Variants in ARHGEF28 observed in about 807,000 individuals in gnomAD.
ARHGEF28 encodes the protein 190 kDa guanine nucleotide exchange factor.
In ARHGEF28, 152 loss-of-function variants were observed where a neutral mutation model predicts 206.6. The ratio of observed to expected loss-of-function variants is 0.74; its 90% CI spans 0.64 to 0.84. The LOEUF (loss-of-function observed/expected upper bound fraction) is 0.84. Among genes scored for constraint, ARHGEF28 ranks in the 40% least tolerant of loss-of-function variants. The pLI, the probability that ARHGEF28 is intolerant of heterozygous loss-of-function variation, is 0.00. For synonymous variants in ARHGEF28, 763 were observed against 776.4 expected (o/e 0.98, Z 0.29); for missense variants, 2,028 against 2,073.2 (o/e 0.98, Z 0.42).
intron 9 of ARHGEF28, among the ~76,000 whole-genome samples, chr5:73,804,082 C>CAAAAAAA (rs35722039): frequency 7.5e-4 from 48 of 64,252 alleles, no homozygotes; most frequent in Middle Eastern, 0.01. Context: ...GAGACCCTGT[C>CAAAAAAA]AAAAAAAAAA....
At chr5:73,901,894 A>G (rs1441880563) in intron 31 of ARHGEF28, 1 of 152,206 alleles carries the variant, frequency 6.6e-6, no homozygotes, top group East Asian at 1.9e-4. Flanking sequence ...TTAAATACAT[A>G]AAACTTCCTA....
chr5:73,847,498 A>G (rs1187843806), intron 12 of ARHGEF28, among the ~76,000 whole-genome samples: 2 of 152,158 alleles, frequency 1.3e-5, no homozygotes, highest in African/African-American at 2.4e-5. Context: ...AGCTGCCGTA[A>G]TCTTTTGCAT....
At chr5:73,827,385 C>T (rs868382825) in intron 9 of ARHGEF28, among the ~76,000 whole-genome samples, 7 of 152,176 alleles carry the variant, frequency 4.6e-5, no homozygotes, top group African/African-American at 4.8e-5. Flanking sequence ...TATGCAACCT[C>T]ATTTACTTTT....
intron 1 of ARHGEF28, chr5:73,627,269 A>G (rs201432524): frequency 1.3e-5 from 2 of 152,208 alleles, no homozygotes; most frequent in East Asian, 1.9e-4. Context: ...GACCACACCA[A>G]TTGGGCAAAA....
chr5:73,710,249 A>G (rs1749161056), intron 2 of ARHGEF28, among the ~76,000 whole-genome samples: 1 of 152,336 alleles, frequency 6.6e-6, no homozygotes, highest in East Asian at 1.9e-4. Flanking sequence ...TAGCCCTTCT[A>G]AAAGGTATGT....
chr5:73,680,462 A>AAT, intron 1 of ARHGEF28, among the ~76,000 whole-genome samples: 1 of 147,246 alleles, frequency 6.8e-6, no homozygotes, highest in Non-Finnish European at 1.5e-5. Context: ...AAAAAAAAAA[A>AAT]GGGATTCACT....
intron 9 of ARHGEF28, among the ~76,000 whole-genome samples, chr5:73,817,757 C>G (rs1252523519): frequency 1.3e-5 from 2 of 152,128 alleles, no homozygotes; most frequent in African/African-American, 4.8e-5. Flanking sequence ...GGCCAAGAAC[C>G]AGGACACTCG....
chr5:73,711,559 C>T (rs1749246943), intron 2 of ARHGEF28, among the ~76,000 whole-genome samples: 2 of 152,046 alleles, frequency 1.3e-5, no homozygotes, highest in African/African-American at 2.4e-5. Context: ...TAGATTTATA[C>T]ATAAACATTT....
chr5:73,774,001 C>T lies in ARHGEF28; in HGVS notation c.622C>T (p.Arg208Cys), dbSNP rs112237001. Reference protein sequence around the residue: ...EGATPLDLALREGHSKLVEDV... With the variant: ...EGATPLDLALCEGHSKLVEDV... The stretch of plus-strand genomic sequence containing the variant: ...TGCCACACCATTAGACTTAGCTTTA[C>T]GTGAAGGACACTCCAAGCTGGTGGA... Residue 208 changes from arginine (R) to cysteine (C), a missense_variant, in exon 5 of 36, where the codon CGT becomes TGT. Physicochemically the swap from Arg to Cys is radical, Grantham distance 180 (BLOSUM62 -3). Coordinates refer to ENST00000513042, the MANE Select transcript of ARHGEF28 (RefSeq NM_001177693.2). The T allele has an allele frequency of 2.1e-5, 33 of 1,604,282 alleles. No individual in the cohort carries two copies. Among genetic ancestry groups the T allele is most frequent in the African/African-American group, 9.3e-5 (7 of 74,922 alleles).
rs35744778 is a variant in ARHGEF28, at chr5:73,827,020, A to G, written c.1025-5318A>G. Among the ~76,000 whole-genome samples, 1,210 of 152,288 alleles carry G rather than the reference A, an allele frequency of 7.9e-3. 19 individuals carry two copies. Among genetic ancestry groups the G allele is most frequent in the East Asian group, 0.029 (149 of 5,160 alleles). ...ATGTTAGGACATCTTAGTTTCTGAA[A>G]TCTTGCCTTTGTTCTTGAGAAATGC... On this transcript the variant is annotated intron_variant, in intron 9 of 35. Transcript: ENST00000513042.
In ARHGEF28 at chr5:73,941,696, T is replaced by C. The variant is rs1003587402; in HGVS notation, c.*683T>C. The C allele has an allele frequency of 2.0e-5, 3 of 152,240 alleles. No homozygotes were observed. The highest frequency in any genetic ancestry group is 7.2e-5 in the African/African-American group (3 of 41,438). 9.4% of individuals were successfully genotyped at this position (152,240 alleles called of 1,614,324 possible). A position where few individuals can be genotyped will look rare whatever the true frequency, so the allele number is the denominator to read the frequency against. Reference sequence around the variant, plus strand: ...GAGCCCCCATCAAGTCATTTTGATGTAAATAGTGAACTTTGTTAGAGCCCT... The same window carrying C: ...GAGCCCCCATCAAGTCATTTTGATGCAAATAGTGAACTTTGTTAGAGCCCT... On this transcript the variant is annotated 3_prime_UTR_variant, in exon 36 of 36. Coordinates refer to ENST00000513042, the MANE Select transcript of ARHGEF28 (RefSeq NM_001177693.2).
At chr5:73,914,848 AAC>A (rs1030293257) in intron 35 of ARHGEF28, among the ~76,000 whole-genome samples, 1 of 152,200 alleles carries the variant, frequency 6.6e-6, no homozygotes, top group Non-Finnish European at 1.5e-5. Context: ...GACTCACTGC[AAC>A]CTCCCACTTC....
At chr5:73,916,222 T>C (rs1429796034) in intron 35 of ARHGEF28, among the ~76,000 whole-genome samples, 1 of 152,236 alleles carries the variant, frequency 6.6e-6, no homozygotes, top group Non-Finnish European at 1.5e-5. Flanking sequence ...AAATATTTCA[T>C]AATTCAGAAA....
At chr5:73,630,327 G>A (rs768102277) in intron 1 of ARHGEF28, among the ~76,000 whole-genome samples, 2 of 152,174 alleles carry the variant, frequency 1.3e-5, no homozygotes, top group Admixed American at 6.5e-5. Flanking sequence ...GGGTTAGAAT[G>A]TGGACTTTGG....
intron 9 of ARHGEF28, among the ~76,000 whole-genome samples, chr5:73,818,950 G>T (rs759052469): frequency 1.2e-4 from 19 of 152,276 alleles, no homozygotes; most frequent in Middle Eastern, 3.4e-3. Context: ...ATTACGTAAG[G>T]TAGAAAGTGA....
intron 8 of ARHGEF28, among the ~76,000 whole-genome samples, chr5:73,795,123 G>C (rs1197695057): frequency 6.6e-6 from 1 of 152,182 alleles, no homozygotes; most frequent in Non-Finnish European, 1.5e-5. Flanking sequence ...CAGCTTTCAG[G>C]TGTGTTTCAG....
At chr5:73,845,986 C>CAAA (rs57600570) in intron 11 of ARHGEF28, among the ~76,000 whole-genome samples, 29 of 63,726 alleles carry the variant, frequency 4.6e-4, no homozygotes, top group East Asian at 1.5e-3. Flanking sequence ...AAAACTGTCT[C>CAAA]AAAAAAAAAA....
chr5:73,671,440 T>A (rs953325078), intron 1 of ARHGEF28, among the ~76,000 whole-genome samples: 138 of 152,176 alleles, frequency 9.1e-4, no homozygotes, highest in African/African-American at 3.1e-3. Flanking sequence ...TATCAGCAAA[T>A]GAATGAACTT....
intron 35 of ARHGEF28, among the ~76,000 whole-genome samples, chr5:73,937,465 T>G (rs1025759370): frequency 6.6e-6 from 1 of 152,216 alleles, no homozygotes; most frequent in African/African-American, 2.4e-5. Context: ...TCGCTCTGTT[T>G]AGTTTCCAGA....
Sources: gnomAD v4.1 joint callset for allele counts (sites outside exome capture counted in the v4.1 genomes callset) on GRCh38, gnomAD v4.1.1 for gene constraint, MANE v1.5 for transcripts, NCBI Gene and HGNC (gene_info 2026-07-23, HGNC 2026-07-21) for gene names.